The following BMPR1B variants were observed in gnomAD, a reference collection of about 807,000 sequenced individuals.
BMPR1B encodes bone morphogenetic protein receptor type 1B, also known as bone morphogenetic protein receptor type-1B.
In BMPR1B, 12 loss-of-function variants were observed where a neutral mutation model predicts 59.1. The ratio of observed to expected loss-of-function variants is 0.20; its 90% CI spans 0.13 to 0.33. The LOEUF is 0.33. Among genes scored for constraint, BMPR1B ranks in the 10% least tolerant of loss-of-function variants. The probability of loss-of-function intolerance (pLI) is 1.00; values close to 1 mark genes in which losing one functional copy is unlikely to be tolerated. For missense variants in BMPR1B, 550 were observed against 610.9 expected (o/e 0.90, Z 1.05); for synonymous variants, 237 against 207.3 (o/e 1.14, Z -1.23).
intron 11 of BMPR1B, among the ~76,000 whole-genome samples, chr4:95,150,479 C>T (rs992563881): frequency 7.4e-5 from 11 of 149,506 alleles, no homozygotes; most frequent in Admixed American, 2.0e-4. Context: ...AACAAGTAGA[C>T]GAGCCTTTTA....
intron 3 of BMPR1B, among the ~76,000 whole-genome samples, chr4:94,997,629 T>G (rs1722152496): frequency 6.6e-6 from 1 of 152,184 alleles, no homozygotes; most frequent in Non-Finnish European, 1.5e-5. Context: ...TCTTTGTACT[T>G]CTTCCAATTC....
At position 94,996,132 on chromosome 4, in the gene BMPR1B, A is replaced by C. The variant is rs950632878; in HGVS notation, c.-20A>C. 1 of 152,240 alleles carries C rather than the reference A, an allele frequency of 6.6e-6. No individual in the cohort carries two copies. Among genetic ancestry groups the C allele is most frequent in the Non-Finnish European group, 1.5e-5 (1 of 68,066 alleles). 9.4% of individuals were successfully genotyped at this position (152,240 alleles called of 1,614,324 possible). ...AACAAGCAAGCCTGCCATAAGTGAG[A>C]AGGTAAGTAATTAGCCAGTTCAGTC... On this transcript the variant is annotated splice_region_variant and 5_prime_UTR_variant, in exon 3 of 13. Transcript: ENST00000515059.
intron 2 of BMPR1B, among the ~76,000 whole-genome samples, chr4:94,948,937 A>G (rs1409775151): frequency 2.0e-5 from 3 of 152,142 alleles, no homozygotes; most frequent in Non-Finnish European, 4.4e-5. Flanking sequence ...TAAGCAGTTT[A>G]TTAGTATTCT....
At chr4:94,786,217 G>C (rs187363301) in intron 1 of BMPR1B, among the ~76,000 whole-genome samples, 82 of 152,278 alleles carry the variant, frequency 5.4e-4, no homozygotes, top group Admixed American at 5.3e-3. Flanking sequence ...TTATCATGCG[G>C]GTACTTACCC....
intron 3 of BMPR1B, among the ~76,000 whole-genome samples, chr4:95,041,372 A>G (rs2149172624): frequency 1.3e-5 from 2 of 151,960 alleles, no homozygotes; most frequent in Middle Eastern, 6.8e-3. Flanking sequence ...TATAATAAAC[A>G]CTTTACACGC....
intron 2 of BMPR1B, among the ~76,000 whole-genome samples, chr4:94,920,349 C>T (rs1020324160): frequency 1.2e-4 from 19 of 152,040 alleles, no homozygotes; most frequent in African/African-American, 3.4e-4. Context: ...TGCTTATTGT[C>T]TCTTGTTAAT....
At chr4:94,945,466 C>G (rs1468132843) in intron 2 of BMPR1B, among the ~76,000 whole-genome samples, 3 of 152,236 alleles carry the variant, frequency 2.0e-5, no homozygotes, top group South Asian at 2.1e-4. Flanking sequence ...TAGACAGGGT[C>G]TTGCTCTGTT....
At chr4:94,922,302 CAT>C (rs879642604) in intron 2 of BMPR1B, among the ~76,000 whole-genome samples, 6 of 151,942 alleles carry the variant, frequency 3.9e-5, no homozygotes, top group Admixed American at 1.3e-4. Context: ...GTGTGTGTAA[CAT>C]GTGGATACCT....
chr4:94,932,574 A>G (rs561976379), intron 2 of BMPR1B, among the ~76,000 whole-genome samples: 20 of 152,140 alleles, frequency 1.3e-4, no homozygotes, highest in Non-Finnish European at 2.5e-4. Context: ...CCATTGCCAT[A>G]TGTGAAACAG....
At chr4:94,999,623 C>T (rs1000282369) in intron 3 of BMPR1B, among the ~76,000 whole-genome samples, 2 of 152,124 alleles carry the variant, frequency 1.3e-5, no homozygotes, top group African/African-American at 2.4e-5. Flanking sequence ...GCCGTGTTGA[C>T]TGCTGTGGTA....
At chr4:95,128,480 T>G (rs1410738831) in intron 8 of BMPR1B, among the ~76,000 whole-genome samples, 1 of 152,212 alleles carries the variant, frequency 6.6e-6, no homozygotes, top group Non-Finnish European at 1.5e-5. Context: ...ATATCAGAGT[T>G]CTTCAAATAT....
At chr4:94,909,234 G>A (rs1222226480) in intron 2 of BMPR1B, among the ~76,000 whole-genome samples, 1 of 152,008 alleles carries the variant, frequency 6.6e-6, no homozygotes, top group Non-Finnish European at 1.5e-5. Context: ...TTATGTCTGG[G>A]AATATAATAG....
intron 1 of BMPR1B, among the ~76,000 whole-genome samples, chr4:94,830,297 A>G (rs1476114131): frequency 6.6e-6 from 1 of 152,190 alleles, no homozygotes; most frequent in Admixed American, 6.5e-5. Context: ...TTAACACGAT[A>G]TGTGATTATA....
intron 3 of BMPR1B, among the ~76,000 whole-genome samples, chr4:95,095,106 T>G (rs988144589): frequency 6.6e-6 from 1 of 151,918 alleles, no homozygotes; most frequent in African/African-American, 2.4e-5. Context: ...TGAAAGTACT[T>G]TAGTATAAGG....
chr4:94,860,809 C>T (rs912033820), intron 1 of BMPR1B, among the ~76,000 whole-genome samples: 24 of 150,636 alleles, frequency 1.6e-4, no homozygotes, highest in Non-Finnish European at 3.2e-4. Context: ...TGGACAAAAC[C>T]TTTTATATGT....
intron 1 of BMPR1B, among the ~76,000 whole-genome samples, chr4:94,776,486 A>G (rs35271777): frequency 0.32 from 48,645 of 151,904 alleles, 8,508 homozygotes; most frequent in African/African-American, 0.47. Context: ...CATAATAAAC[A>G]CGAAGTACTC....
At chr4:94,902,249 CAGAG>C (rs142124519) in intron 2 of BMPR1B, among the ~76,000 whole-genome samples, 3,467 of 68,388 alleles carry the variant, frequency 0.051, 90 homozygotes, top group African/African-American at 0.056. Flanking sequence ...CACACACACA[CAGAG>C]AGAGAGAGAG....
At chr4:95,070,287 A>G (rs1728181070) in intron 3 of BMPR1B, among the ~76,000 whole-genome samples, 2 of 152,104 alleles carry the variant, frequency 1.3e-5, no homozygotes, top group Non-Finnish European at 2.9e-5. Context: ...TGAGAGGAGG[A>G]AGGATTACAG....
chr4:95,100,067 C>T (rs1160676101), intron 3 of BMPR1B, among the ~76,000 whole-genome samples: 1 of 152,156 alleles, frequency 6.6e-6, no homozygotes, highest in Non-Finnish European at 1.5e-5. Flanking sequence ...TTCAATGAGG[C>T]CTGCTTGCTC....
Sources: allele counts gnomAD v4.1 joint callset (sites outside exome capture counted in the v4.1 genomes callset), GRCh38; gene constraint gnomAD v4.1.1; transcripts MANE v1.5; gene names NCBI Gene and HGNC (gene_info 2026-07-23, HGNC 2026-07-21).